Variants in NPAS3 observed in about 807,000 individuals in gnomAD.
The protein encoded by NPAS3 is neuronal PAS domain-containing protein 3.
Under a neutral mutation model 73.1 loss-of-function variants are expected in NPAS3, and 14 were observed. The observed-to-expected ratio is 0.19, with a 90% CI of 0.13 to 0.30. The LOEUF (loss-of-function observed/expected upper bound fraction) is 0.30. Ranked by LOEUF, NPAS3 falls within the 10% of genes least tolerant of loss-of-function variation. The probability of loss-of-function intolerance (pLI) is 1.00; values close to 1 mark genes in which losing one functional copy is unlikely to be tolerated. For synonymous variants in NPAS3, 620 were observed against 541.5 expected (o/e 1.14, Z -2.01); for missense variants, 1,096 against 1,250.0 (o/e 0.88, Z 1.86).
At position 33,520,450 on chromosome 14, in the gene NPAS3, C is replaced by G. The variant is rs866573586; in HGVS notation, c.469-39671C>G. Among the ~76,000 whole-genome samples the G allele has an allele frequency of 3.3e-5, 5 of 152,064 alleles. No individual in the cohort carries two copies. The South Asian group carries it at 1.0e-3, about 32-fold the overall frequency. ...AATCTGAGATGAAATAAGAACACCACATTTACTGTGATTTATCTGGGGGAA... is the reference window on the plus strand; with the variant it reads ...AATCTGAGATGAAATAAGAACACCAGATTTACTGTGATTTATCTGGGGGAA... On this transcript the variant is annotated intron_variant, in intron 4 of 11. Coordinates refer to ENST00000356141, the Ensembl canonical transcript of NPAS3.
downstream of NPAS3, chr14:33,804,165 G>A (rs1421483602): frequency 6.6e-6 from 1 of 151,658 alleles, no homozygotes; most frequent in East Asian, 1.9e-4. Flanking sequence ...ACTTCTCTTG[G>A]ATTTGTTACT....
At chr14:33,343,679 C>T (rs1403454028) in intron 3 of NPAS3, among the ~76,000 whole-genome samples, 2 of 152,110 alleles carry the variant, frequency 1.3e-5, no homozygotes, top group South Asian at 4.2e-4. Context: ...AGGTCTCGTT[C>T]GTGGTTTGAA....
intron 3 of NPAS3, 152 bp downstream of exon 3, chr14:33,215,578 C>T: frequency 1.1e-6 from 1 of 880,476 alleles, no homozygotes. Context: ...GAGAAAGACA[C>T]CATGTGAAGG....
At chr14:32,938,290 C>T (rs868419063), upstream of NPAS3, among the ~76,000 whole-genome samples, 1 of 152,048 alleles carries the variant, frequency 6.6e-6, no homozygotes, top group African/African-American at 2.4e-5. Flanking sequence ...CCCCAAGGAG[C>T]TCCCGGGACT....
At chr14:33,467,935 T>C (rs1204562262) in intron 4 of NPAS3, among the ~76,000 whole-genome samples, 4 of 152,118 alleles carry the variant, frequency 2.6e-5, no homozygotes, top group Non-Finnish European at 5.9e-5. Flanking sequence ...CAGAGATGGA[T>C]AGCGCGAGCC....
chr14:33,653,626 TTCTG>T (rs1342095552), intron 5 of NPAS3, among the ~76,000 whole-genome samples: 1 of 152,252 alleles, frequency 6.6e-6, no homozygotes, highest in Non-Finnish European at 1.5e-5. Flanking sequence ...GTTTCTCTCT[TTCTG>T]TCAGAGATTA....
chr14:32,938,453 G>C (rs958012428), upstream of NPAS3, among the ~76,000 whole-genome samples: 1 of 113,094 alleles, frequency 8.8e-6, no homozygotes, highest in African/African-American at 3.3e-5. Flanking sequence ...GTCCCCCAAC[G>C]AGAAAGAGAG....
chr14:33,418,269 A>T (rs1210872512), intron 4 of NPAS3, among the ~76,000 whole-genome samples: 1 of 151,966 alleles, frequency 6.6e-6, no homozygotes, highest in Non-Finnish European at 1.5e-5. Flanking sequence ...TGACTTTATA[A>T]GCAAGCAAGA....
intron 3 of NPAS3, among the ~76,000 whole-genome samples, chr14:33,337,273 C>A (rs2044270271): frequency 6.6e-6 from 1 of 152,082 alleles, no homozygotes; most frequent in Non-Finnish European, 1.5e-5. Context: ...AAAATTTACT[C>A]AAATGTCCAT....
intron 5 of NPAS3, among the ~76,000 whole-genome samples, chr14:33,652,786 C>G (rs1391957572): frequency 6.6e-6 from 1 of 152,190 alleles, no homozygotes; most frequent in Non-Finnish European, 1.5e-5. Flanking sequence ...CCAGAAAAGT[C>G]TTATCTACCA....
At chr14:33,180,992 C>T (rs1296646153) in intron 2 of NPAS3, among the ~76,000 whole-genome samples, 1 of 152,058 alleles carries the variant, frequency 6.6e-6, no homozygotes, top group Non-Finnish European at 1.5e-5. Context: ...TCCCACCACT[C>T]TGATTTCATG....
intron 7 of NPAS3, among the ~76,000 whole-genome samples, chr14:33,744,533 A>C (rs2061737932): frequency 6.6e-6 from 1 of 151,956 alleles, no homozygotes; most frequent in South Asian, 2.1e-4. Flanking sequence ...CACACCTGTA[A>C]TCCCGGCATT....
chr14:33,082,198 C>T (rs1595400985), intron 2 of NPAS3, among the ~76,000 whole-genome samples: 1 of 152,122 alleles, frequency 6.6e-6, no homozygotes, highest in Non-Finnish European at 1.5e-5. Context: ...CCCGTTTGTG[C>T]TCCTAGAAAC....
chr14:33,199,015 G>A (rs886407439), intron 2 of NPAS3, among the ~76,000 whole-genome samples: 2 of 152,274 alleles, frequency 1.3e-5, no homozygotes, highest in Admixed American at 6.5e-5. Flanking sequence ...CGGCGGTGCC[G>A]GCCTGCTGGC....
Position 33,039,391 on chromosome 14 carries a change from C to T in NPAS3, c.51-16514C>T, listed in dbSNP as rs527294821. On this transcript the variant is annotated intron_variant, in intron 1 of 11. Coordinates refer to ENST00000356141, the Ensembl canonical transcript of NPAS3. Reference sequence around the variant, plus strand: ...CAGGAAAGGAGATATTTACTGGAATCCACAAGTCCAGAATTCATCATGATT... The same window carrying T: ...CAGGAAAGGAGATATTTACTGGAATTCACAAGTCCAGAATTCATCATGATT... 3.9e-5 allele frequency among the ~76,000 whole-genome samples: 6 copies of T among 152,286 alleles called. No individual in the cohort carries two copies. In the South Asian group the frequency reaches 1.2e-3, roughly 32 times the overall value.
At chr14:33,389,021 T>C (rs1348981820) in intron 4 of NPAS3, among the ~76,000 whole-genome samples, 1 of 152,190 alleles carries the variant, frequency 6.6e-6, no homozygotes. Flanking sequence ...AGGTATGCTA[T>C]AGACTCTCAA....
chr14:33,250,659 C>T (rs540990125), intron 3 of NPAS3, among the ~76,000 whole-genome samples: 1 of 152,216 alleles, frequency 6.6e-6, no homozygotes, highest in South Asian at 2.1e-4. Context: ...TCTTTACATT[C>T]AAAATTGGTA....
At chr14:33,618,993 G>C (rs1241999607) in intron 5 of NPAS3, among the ~76,000 whole-genome samples, 1 of 152,180 alleles carries the variant, frequency 6.6e-6, no homozygotes, top group Non-Finnish European at 1.5e-5. Flanking sequence ...TGGATTTCTT[G>C]TTCTTTGAAA....
chr14:33,283,641 C>T (rs1443630284), intron 3 of NPAS3, among the ~76,000 whole-genome samples: 1 of 152,158 alleles, frequency 6.6e-6, no homozygotes, highest in Non-Finnish European at 1.5e-5. Flanking sequence ...TGGAAAGCCT[C>T]ATACTAGACT....
Sources: gnomAD v4.1 joint callset for allele counts (sites outside exome capture counted in the v4.1 genomes callset) on GRCh38, gnomAD v4.1.1 for gene constraint, MANE v1.5 for transcripts, NCBI Gene and HGNC (gene_info 2026-07-23, HGNC 2026-07-21) for gene names.